Variants in SEMA3A observed in about 807,000 individuals in gnomAD.
The protein encoded by SEMA3A is semaphorin 3A, also known as semaphorin-3A.
SEMA3A carries 29 observed loss-of-function variants against 97.9 expected under a neutral mutation model. The ratio of observed to expected loss-of-function variants is 0.30; its 90% CI spans 0.22 to 0.40. The LOEUF is 0.40. Among genes scored for constraint, SEMA3A ranks in the 10% least tolerant of loss-of-function variants. The pLI, the probability that SEMA3A is intolerant of heterozygous loss-of-function variation, is 1.00. For synonymous variants in SEMA3A, 321 were observed against 323.7 expected (o/e 0.99, Z 0.09); for missense variants, 763 against 951.3 (o/e 0.80, Z 2.60).
intron 6 of SEMA3A, among the ~76,000 whole-genome samples, chr7:84,038,478 G>A (rs1485012384): frequency 1.3e-5 from 2 of 151,586 alleles, no homozygotes; most frequent in African/African-American, 2.4e-5. Context: ...TGTGATTCTC[G>A]TAACAACCAA....
chr7:84,398,721 T>A (rs558928570), intron 1 of SEMA3A, among the ~76,000 whole-genome samples: 2 of 152,068 alleles, frequency 1.3e-5, no homozygotes, highest in African/African-American at 2.4e-5. Context: ...GGAAGGAGGA[T>A]CACTAGAGCC....
chr7:84,138,636 A>T (rs1329160976), intron 1 of SEMA3A, among the ~76,000 whole-genome samples: 1 of 152,074 alleles, frequency 6.6e-6, no homozygotes, highest in African/African-American at 2.4e-5. Flanking sequence ...AAAAAAGACA[A>T]TACTTTCCTG....
intron 2 of SEMA3A, among the ~76,000 whole-genome samples, chr7:84,348,845 A>T (rs1186478536): frequency 6.6e-6 from 1 of 152,046 alleles, no homozygotes; most frequent in Admixed American, 6.6e-5. Context: ...TTAGCTGGGC[A>T]TGGTGGCAGG....
intron 5 of SEMA3A, among the ~76,000 whole-genome samples, chr7:84,050,398 A>G (rs1235897489): frequency 6.6e-6 from 1 of 151,976 alleles, no homozygotes; most frequent in African/African-American, 2.4e-5. Context: ...AATGATTGCC[A>G]TTCTAACTGG....
At chr7:84,040,086 T>C (rs756351520) in intron 6 of SEMA3A, among the ~76,000 whole-genome samples, 3 of 152,074 alleles carry the variant, frequency 2.0e-5, no homozygotes, top group African/African-American at 7.2e-5. Context: ...TTTTGAGATA[T>C]TGTCATTAAT....
At chr7:83,991,110 G>T (rs1424335522) in intron 12 of SEMA3A, among the ~76,000 whole-genome samples, 3 of 149,592 alleles carry the variant, frequency 2.0e-5, no homozygotes, top group South Asian at 2.2e-4. Context: ...TCATGATTTG[G>T]CTCTCTGTTT....
intron 1 of SEMA3A, among the ~76,000 whole-genome samples, chr7:84,444,362 G>A (rs1371317180): frequency 6.6e-6 from 1 of 152,034 alleles, no homozygotes; most frequent in Non-Finnish European, 1.5e-5. Flanking sequence ...TGAGTGAAAA[G>A]TGCTCAACTT....
At chr7:84,145,136 T>TG (rs1796425865) in intron 1 of SEMA3A, among the ~76,000 whole-genome samples, 1 of 152,186 alleles carries the variant, frequency 6.6e-6, no homozygotes, top group Non-Finnish European at 1.5e-5. Flanking sequence ...CACCCTCACC[T>TG]GCTTAGGTAA....
chr7:84,093,709 C>G (rs193293260), intron 4 of SEMA3A, among the ~76,000 whole-genome samples: 2 of 152,038 alleles, frequency 1.3e-5, no homozygotes, highest in Non-Finnish European at 2.9e-5. Flanking sequence ...GAAAACCAGA[C>G]ACTGCATGTT....
chr7:84,446,369 C>T (rs987515487), intron 1 of SEMA3A, among the ~76,000 whole-genome samples: 4 of 152,104 alleles, frequency 2.6e-5, no homozygotes, highest in African/African-American at 9.7e-5. Context: ...AAAGACACTA[C>T]AAGAAAACTA....
rs1356340930 is a variant in SEMA3A, at chr7:84,425,527, T to A, written c.-245-53627A>T. ...TAATATATTCATATGAATATAAGCA[T>A]AAACGTATATTTATATGAATATAAA... On this transcript the variant is annotated intron_variant, in intron 1 of 3. Transcript: ENST00000424555. 4.2e-5 allele frequency among the ~76,000 whole-genome samples: 6 copies of A among 143,940 alleles called. No individual in the cohort carries two copies. The Admixed American group carries it at 4.3e-4, about 10-fold the overall frequency. 94.4% of individuals were successfully genotyped at this position (143,940 alleles called of 152,430 possible).
intron 2 of SEMA3A, among the ~76,000 whole-genome samples, chr7:84,349,892 A>G (rs959138204): frequency 6.6e-6 from 1 of 152,044 alleles, no homozygotes; most frequent in African/African-American, 2.4e-5. Context: ...GATTTGTCCT[A>G]ATTCTAACTC....
intron 3 of SEMA3A, among the ~76,000 whole-genome samples, chr7:84,305,844 T>A (rs1801140724): frequency 1.3e-5 from 2 of 151,886 alleles, no homozygotes; most frequent in African/African-American, 4.8e-5. Context: ...AAAAATAACA[T>A]CCAGGAAATT....
At chr7:84,364,413 C>T (rs1024370527) in intron 2 of SEMA3A, among the ~76,000 whole-genome samples, 1 of 151,626 alleles carries the variant, frequency 6.6e-6, no homozygotes, top group Non-Finnish European at 1.5e-5. Flanking sequence ...CTTCTTAATT[C>T]AATTTCATCA....
At position 84,437,166 on chromosome 7, in the gene SEMA3A, A is replaced by C. The variant is rs183416921; in HGVS notation, c.-246+55294T>G. Reference sequence around the variant, plus strand: ...TGAGGTGATTCTTAAAGGGTTAAACAATGAATGATCTATGGTAATTCAAAG... The same window carrying C: ...TGAGGTGATTCTTAAAGGGTTAAACCATGAATGATCTATGGTAATTCAAAG... On this transcript the variant is annotated intron_variant, in intron 1 of 3. Coordinates refer to the SEMA3A transcript ENST00000424555. Among the ~76,000 whole-genome samples the C allele has an allele frequency of 2.1e-3, 317 of 152,204 alleles. 2 individuals are homozygous for C. The Middle Eastern group carries it at 0.048, about 23-fold the overall frequency.
chr7:84,161,477 T>C (rs114583016), intron 1 of SEMA3A, among the ~76,000 whole-genome samples: 1,888 of 152,236 alleles, frequency 0.012, 51 homozygotes, highest in African/African-American at 0.043. Context: ...TCACGGGACA[T>C]CAGGAGTCCT....
At chr7:84,220,001 C>T (rs1246214552) in intron 3 of SEMA3A, among the ~76,000 whole-genome samples, 1 of 152,142 alleles carries the variant, frequency 6.6e-6, no homozygotes, top group Non-Finnish European at 1.5e-5. Flanking sequence ...TTGTCTCTCC[C>T]TTTCATGAAT....
chr7:84,302,672 T>C (rs1414234862), intron 3 of SEMA3A, among the ~76,000 whole-genome samples: 1 of 152,118 alleles, frequency 6.6e-6, no homozygotes, highest in Non-Finnish European at 1.5e-5. Flanking sequence ...AAACAAAAAT[T>C]GCTGCTTATG....
chr7:84,297,877 T>A (rs1800908072), intron 3 of SEMA3A, among the ~76,000 whole-genome samples: 1 of 152,220 alleles, frequency 6.6e-6, no homozygotes, highest in Admixed American at 6.6e-5. Context: ...ATACTCCCAC[T>A]TCAGCTCTAG....
Sources: allele counts gnomAD v4.1 joint callset (sites outside exome capture counted in the v4.1 genomes callset), GRCh38; gene constraint gnomAD v4.1.1; transcripts MANE v1.5; gene names NCBI Gene and HGNC (gene_info 2026-07-23, HGNC 2026-07-21).